SYT1: variants seen among roughly 807,000 people sequenced by gnomAD.
SYT1 encodes the protein synaptotagmin 1, also known as synaptotagmin-1.
In SYT1, 8 loss-of-function variants were observed where a neutral mutation model predicts 44.8. The observed-to-expected ratio is 0.18, with a 90% CI of 0.10 to 0.32. SYT1 has a LOEUF of 0.32. SYT1 is among the 10% of genes least tolerant of loss of function. The pLI, the probability that SYT1 is intolerant of heterozygous loss-of-function variation, is 1.00. For synonymous variants in SYT1, 154 were observed against 188.8 expected (o/e 0.82, Z 1.51); for missense variants, 286 against 509.3 (o/e 0.56, Z 4.22).
chr12:79,429,686 G>A (rs748047570), intron 9 of SYT1, among the ~76,000 whole-genome samples: 9 of 151,992 alleles, frequency 5.9e-5, no homozygotes, highest in Non-Finnish European at 1.3e-4. Context: ...CCACCACCAC[G>A]CCCTGCTAAT....
At chr12:78,956,881 C>A (rs1186512921) in intron 1 of SYT1, among the ~76,000 whole-genome samples, 1 of 152,070 alleles carries the variant, frequency 6.6e-6, no homozygotes, top group African/African-American at 2.4e-5. Context: ...CCCATCTAGG[C>A]CATAAAGCCT....
intron 4 of SYT1, among the ~76,000 whole-genome samples, chr12:79,284,614 G>T (rs1565890238): frequency 6.6e-6 from 1 of 152,018 alleles, no homozygotes; most frequent in Non-Finnish European, 1.5e-5. Flanking sequence ...GAGGCAGGTG[G>T]ATCATAAGGT....
At chr12:78,962,557 A>T (rs1879566732) in intron 1 of SYT1, among the ~76,000 whole-genome samples, 1 of 151,950 alleles carries the variant, frequency 6.6e-6, no homozygotes, top group African/African-American at 2.4e-5. Context: ...TATATATGTG[A>T]GGTGTGTGCA....
At chr12:79,333,968 A>G (rs912296329) in intron 8 of SYT1, among the ~76,000 whole-genome samples, 3 of 152,162 alleles carry the variant, frequency 2.0e-5, no homozygotes, top group Non-Finnish European at 2.9e-5. Flanking sequence ...AACTTTATAC[A>G]TGGTCCGTGA....
chr12:79,097,987 A>G (rs572335551), intron 3 of SYT1, among the ~76,000 whole-genome samples: 27 of 152,000 alleles, frequency 1.8e-4, no homozygotes, highest in Non-Finnish European at 3.4e-4. Flanking sequence ...TGGTCTTTTA[A>G]AAACTTGTTT....
intron 1 of SYT1, among the ~76,000 whole-genome samples, chr12:78,957,004 G>A (rs1382405665): frequency 4.6e-5 from 7 of 152,124 alleles, no homozygotes; most frequent in Non-Finnish European, 8.8e-5. Flanking sequence ...TTTTATCAGA[G>A]GACTAAGGAG....
At chr12:79,339,283 C>T (rs200742791) in intron 8 of SYT1, among the ~76,000 whole-genome samples, 1 of 152,188 alleles carries the variant, frequency 6.6e-6, no homozygotes, top group South Asian at 2.1e-4. Flanking sequence ...TACACTCCCA[C>T]CAACAGTGTA....
intron 3 of SYT1, among the ~76,000 whole-genome samples, chr12:79,084,537 C>T (rs187886228): frequency 2.0e-4 from 30 of 152,070 alleles, no homozygotes; most frequent in African/African-American, 6.0e-4. Flanking sequence ...CTGACTGCTG[C>T]ACTCTTTCAC....
intron 3 of SYT1, among the ~76,000 whole-genome samples, chr12:79,166,541 T>C (rs1871231298): frequency 6.6e-6 from 1 of 151,992 alleles, no homozygotes; most frequent in Admixed American, 6.6e-5. Flanking sequence ...ATCTAGGTCA[T>C]TTTTAGACCA....
intron 1 of SYT1, 95 bp from the exon 2 acceptor site, chr12:78,977,704 C>T (rs1868949514): frequency 6.6e-6 from 1 of 152,202 alleles, no homozygotes; most frequent in East Asian, 1.9e-4. Context: ...AAGCAGAAGT[C>T]TATACCCAGT....
chr12:79,216,959 A>G (rs1874844580), intron 3 of SYT1, among the ~76,000 whole-genome samples: 1 of 152,106 alleles, frequency 6.6e-6, no homozygotes, highest in Non-Finnish European at 1.5e-5. Flanking sequence ...AATAAGATTC[A>G]AGAACCAATT....
At chr12:79,327,250 T>C (rs372411428) in intron 8 of SYT1, among the ~76,000 whole-genome samples, 39 of 152,284 alleles carry the variant, frequency 2.6e-4, no homozygotes, top group African/African-American at 8.7e-4. Flanking sequence ...GAAGTTTCTC[T>C]ATTTTAATAA....
intron 3 of SYT1, among the ~76,000 whole-genome samples, chr12:79,130,624 C>G (rs1211473138): frequency 6.6e-6 from 1 of 152,174 alleles, no homozygotes; most frequent in African/African-American, 2.4e-5. Flanking sequence ...TAGGATTTCT[C>G]AGTTCTAACT....
chr12:78,901,602 A>T (rs917449406), intron 1 of SYT1, among the ~76,000 whole-genome samples: 4 of 152,168 alleles, frequency 2.6e-5, no homozygotes, highest in African/African-American at 9.6e-5. Context: ...ATCTAGTAAC[A>T]CAAGTGTAAA....
chr12:79,445,711 G>A (rs953529586), intron 10 of SYT1, among the ~76,000 whole-genome samples: 10 of 149,798 alleles, frequency 6.7e-5, no homozygotes, highest in Non-Finnish European at 1.3e-4. Context: ...TGGACACCTA[G>A]GTTAATTCTG....
In SYT1 at chr12:78,954,897, A is replaced by T. The variant is rs114693826; in HGVS notation, c.-216-22902A>T. Among the ~76,000 whole-genome samples the T allele has an allele frequency of 5.7e-3, 874 of 152,192 alleles. 14 individuals carry two copies. Among genetic ancestry groups the T allele is most frequent in the African/African-American group, 0.02 (838 of 41,528 alleles). On this transcript the variant is annotated intron_variant, in intron 1 of 10. Coordinates refer to ENST00000261205, the MANE Select transcript of SYT1 (RefSeq NM_005639.3). ...AAATTCTATTTTTGAGCTTGTGATT[A>T]TCCTGAATACTAAGTGAAAGGGAAG...
chr12:78,976,240 GA>G (rs975640879), intron 1 of SYT1, among the ~76,000 whole-genome samples: 2 of 151,452 alleles, frequency 1.3e-5, no homozygotes, highest in Non-Finnish European at 2.9e-5. Context: ...CCAAAAAGAA[GA>G]AAAAAAAGTT....
At chr12:79,061,440 T>G (rs1013639696) in intron 3 of SYT1, among the ~76,000 whole-genome samples, 9 of 152,232 alleles carry the variant, frequency 5.9e-5, no homozygotes, top group Non-Finnish European at 1.5e-5. Flanking sequence ...AGTGACTTTC[T>G]CAGTTAATAA....
chr12:79,291,917 G>T, intron 5 of SYT1, 91 bp from the exon 6 acceptor site: 2 of 1,501,768 alleles, frequency 1.3e-6, no homozygotes, highest in South Asian at 2.3e-5. Context: ...TGCTTGCTTC[G>T]AACAGCTTGG....
Sources: allele counts gnomAD v4.1 joint callset (sites outside exome capture counted in the v4.1 genomes callset), GRCh38; gene constraint gnomAD v4.1.1; transcripts MANE v1.5; gene names NCBI Gene and HGNC (gene_info 2026-07-23, HGNC 2026-07-21).